MACROD2: variants seen among roughly 807,000 people sequenced by gnomAD.
The protein encoded by MACROD2 is mono-ADP ribosylhydrolase 2.
MACROD2 carries 36 observed loss-of-function variants against 70.4 expected under a neutral mutation model. The ratio of observed to expected loss-of-function variants is 0.51; its 90% CI spans 0.39 to 0.68. MACROD2 has a LOEUF of 0.68. Ranked by LOEUF, MACROD2 falls within the 30% of genes least tolerant of loss-of-function variation. The probability of loss-of-function intolerance (pLI) is 0.00; values close to 1 mark genes in which losing one functional copy is unlikely to be tolerated. For synonymous variants in MACROD2, 172 were observed against 178.8 expected, an observed-to-expected ratio of 0.96 and a Z score of 0.30; for missense variants, 496 against 538.4, an observed-to-expected ratio of 0.92 and a Z score of 0.78.
intron 2 of MACROD2, among the ~76,000 whole-genome samples, chr20:14,078,043 C>G (rs184184560): frequency 2.1e-3 from 315 of 151,972 alleles, no homozygotes; most frequent in African/African-American, 7.4e-3. Context: ...GCTGGGATTA[C>G]AGACATGTGC....
At chr20:15,338,718 A>G (rs916635074) in intron 6 of MACROD2, among the ~76,000 whole-genome samples, 1 of 151,754 alleles carries the variant, frequency 6.6e-6, no homozygotes, top group Non-Finnish European at 1.5e-5. Flanking sequence ...GTCTTTTAGT[A>G]CAAGATGGGG....
intron 8 of MACROD2, among the ~76,000 whole-genome samples, chr20:15,770,333 G>A (rs2051603742): frequency 1.3e-5 from 2 of 152,094 alleles, no homozygotes; most frequent in South Asian, 4.1e-4. Flanking sequence ...CTAAGTCTAA[G>A]GAAGAATTGT....
chr20:15,854,088 G>C (rs1196794657), intron 8 of MACROD2, among the ~76,000 whole-genome samples: 3 of 152,122 alleles, frequency 2.0e-5, no homozygotes, highest in African/African-American at 7.2e-5. Flanking sequence ...CTCCCCTTCA[G>C]GGTGCGTAGA....
chr20:14,264,089 A>G (rs115194444), intron 3 of MACROD2, among the ~76,000 whole-genome samples: 37 of 152,168 alleles, frequency 2.4e-4, no homozygotes, highest in African/African-American at 8.9e-4. Flanking sequence ...GCTACTATGA[A>G]GAATGGTTGA....
chr20:14,288,157 T>A (rs980480281), intron 3 of MACROD2, among the ~76,000 whole-genome samples: 2 of 151,600 alleles, frequency 1.3e-5, no homozygotes, highest in Non-Finnish European at 2.9e-5. Flanking sequence ...ACCAAGAGAT[T>A]GCTATTTGTC....
intron 3 of MACROD2, among the ~76,000 whole-genome samples, chr20:14,167,615 C>G (rs2055286834): frequency 6.6e-6 from 1 of 151,888 alleles, no homozygotes; most frequent in Non-Finnish European, 1.5e-5. Context: ...GTTGCGAACT[C>G]CTGACCTCAG....
chr20:15,658,569 A>G (rs2049768709), intron 8 of MACROD2, among the ~76,000 whole-genome samples: 1 of 152,204 alleles, frequency 6.6e-6, no homozygotes, highest in Non-Finnish European at 1.5e-5. Flanking sequence ...GAGGAATTGC[A>G]TGGATGACCC....
intron 8 of MACROD2, among the ~76,000 whole-genome samples, chr20:15,814,031 G>A (rs1219680243): frequency 6.6e-6 from 1 of 152,106 alleles, no homozygotes; most frequent in African/African-American, 2.4e-5. Flanking sequence ...AAAGAGGTAA[G>A]ACCCCTTTGC....
chr20:14,712,997 C>T (rs1036895538), intron 5 of MACROD2, among the ~76,000 whole-genome samples: 5 of 151,154 alleles, frequency 3.3e-5, no homozygotes, highest in African/African-American at 7.3e-5. Flanking sequence ...ATAAGAAAGA[C>T]GGAGAAAGAA....
chr20:14,606,975 A>G (rs897145777), intron 4 of MACROD2, among the ~76,000 whole-genome samples: 2 of 152,194 alleles, frequency 1.3e-5, no homozygotes, highest in East Asian at 3.9e-4. Flanking sequence ...TAGTCCTACA[A>G]TGCACACAAA....
chr20:15,957,602 A>T (rs1328991119), intron 12 of MACROD2, among the ~76,000 whole-genome samples: 1 of 152,160 alleles, frequency 6.6e-6, no homozygotes, highest in African/African-American at 2.4e-5. Context: ...GCAACTAGTT[A>T]TTAAGTCATT....
intron 6 of MACROD2, among the ~76,000 whole-genome samples, chr20:15,399,245 C>A (rs563146287): frequency 6.8e-4 from 103 of 152,290 alleles, no homozygotes; most frequent in Middle Eastern, 3.4e-3. Context: ...TCCTTCTACA[C>A]CCCAATTCAG....
chr20:14,564,917 A>G (rs1271276167), intron 4 of MACROD2, among the ~76,000 whole-genome samples: 1 of 152,008 alleles, frequency 6.6e-6, no homozygotes, highest in Non-Finnish European at 1.5e-5. Context: ...TCACAAAAGC[A>G]GAGTCATGGA....
At chr20:15,990,113 G>T (rs989559954) in intron 15 of MACROD2, among the ~76,000 whole-genome samples, 1 of 152,110 alleles carries the variant, frequency 6.6e-6, no homozygotes, top group African/African-American at 2.4e-5. Flanking sequence ...ATTTCAACAG[G>T]CAGAAAGTGA....
chr20:15,072,841 G>A (rs759564485), intron 5 of MACROD2, among the ~76,000 whole-genome samples: 6 of 152,112 alleles, frequency 3.9e-5, no homozygotes, highest in Non-Finnish European at 7.4e-5. Flanking sequence ...GTCCCCCAAA[G>A]TTTGTGTGTT....
intron 5 of MACROD2, among the ~76,000 whole-genome samples, chr20:15,061,157 G>A (rs773036664): frequency 1.1e-4 from 17 of 152,102 alleles, no homozygotes; most frequent in Non-Finnish European, 2.2e-4. Context: ...TCCTTCTTTG[G>A]ACCACTACCA....
At chr20:14,198,834 T>A (rs2081455405) in intron 3 of MACROD2, among the ~76,000 whole-genome samples, 1 of 152,212 alleles carries the variant, frequency 6.6e-6, no homozygotes, top group South Asian at 2.1e-4. Context: ...TTGTAAATAA[T>A]CTAAATGAGC....
intron 15 of MACROD2, among the ~76,000 whole-genome samples, chr20:16,000,224 A>C (rs940244532): frequency 6.6e-6 from 1 of 152,220 alleles, no homozygotes; most frequent in African/African-American, 2.4e-5. Context: ...CCCTCATTTC[A>C]TACAATAACT....
intron 6 of MACROD2, among the ~76,000 whole-genome samples, chr20:15,309,315 T>A (rs1434326786): frequency 6.6e-6 from 1 of 152,232 alleles, no homozygotes; most frequent in Admixed American, 6.5e-5. Flanking sequence ...GTGGCCATTA[T>A]CTTTTCCTCC....
Sources: allele counts gnomAD v4.1 joint callset (sites outside exome capture counted in the v4.1 genomes callset), GRCh38; gene constraint gnomAD v4.1.1; transcripts MANE v1.5; gene names NCBI Gene and HGNC (gene_info 2026-07-23, HGNC 2026-07-21).